Variants in DIP2C observed in about 807,000 individuals in gnomAD.
DIP2C encodes the protein disco-interacting protein 2 homolog C.
A neutral mutation model predicts 192.4 loss-of-function variants in DIP2C; 33 were observed. The observed-to-expected ratio is 0.17, with a 90% CI of 0.13 to 0.23. The LOEUF is 0.23. Ranked by LOEUF, DIP2C falls within the 10% of genes least tolerant of loss-of-function variation. The pLI is 1.00. For synonymous variants in DIP2C, 979 were observed against 864.1 expected (o/e 1.13, Z -2.33); for missense variants, 1,537 against 2,110.1 (o/e 0.73, Z 5.32).
chr10:595,033 G>T (rs1187370969), intron 1 of DIP2C, among the ~76,000 whole-genome samples: 12 of 152,228 alleles, frequency 7.9e-5, no homozygotes, highest in African/African-American at 2.7e-4. Flanking sequence ...GGTGCAGTGT[G>T]TCCGATGCCC....
intron 29 of DIP2C, among the ~76,000 whole-genome samples, chr10:334,062 T>C (rs560958088): frequency 3.3e-4 from 51 of 152,264 alleles, no homozygotes; most frequent in Admixed American, 6.5e-4. Context: ...CCCAGCACTT[T>C]GGGAGGCTGA....
intron 1 of DIP2C, among the ~76,000 whole-genome samples, chr10:670,290 A>G (rs972170402): frequency 3.9e-5 from 6 of 152,266 alleles, no homozygotes; most frequent in South Asian, 4.1e-4. Flanking sequence ...ACACGTACAC[A>G]TGCACACACA....
At chr10:494,188 A>C (rs897180252) in intron 1 of DIP2C, among the ~76,000 whole-genome samples, 2 of 152,222 alleles carry the variant, frequency 1.3e-5, no homozygotes, top group Admixed American at 6.5e-5. Flanking sequence ...GAGAACTGCT[A>C]AGGCTATCAA....
chr10:374,322 AT>A (rs1302770856), intron 17 of DIP2C, among the ~76,000 whole-genome samples: 2 of 152,228 alleles, frequency 1.3e-5, no homozygotes, highest in African/African-American at 4.8e-5. Flanking sequence ...TCCTCCCAAA[AT>A]AACATACTTT....
In DIP2C at chr10:689,558, C is replaced by A; in HGVS notation, c.21G>T (p.Glu7Asp). Residue 7 changes from glutamate to aspartate, a missense_variant, in exon 1 of 37, where the codon GAG (glutamate) becomes GAT (aspartate). By Grantham distance (45) the Glu-to-Asp change is conservative. Coordinates refer to ENST00000280886, the MANE Select transcript of DIP2C (RefSeq NM_014974.3). This position sits in a 1 kb window ranked among gnomAD's most constrained non-coding sequence, Gnocchi z 6.1. The part of the protein sequence containing the change: MADRSL[E>D]GMALPLEVRA... Reference sequence around the variant, plus strand: ...GCACCTCCAGGGGCAGCGCCATGCCCTCCAGGCTGCGGTCCGCCATGCTCC... The same window carrying A: ...GCACCTCCAGGGGCAGCGCCATGCCATCCAGGCTGCGGTCCGCCATGCTCC... 1.6e-6 allele frequency: 2 copies of A among 1,256,354 alleles called. No individual in the cohort carries two copies. Among genetic ancestry groups the A allele is most frequent in the Non-Finnish European group, 2.0e-6 (2 of 985,314 alleles). The allele number at this position is 1,256,354 out of a possible 1,614,324, so 77.8% of individuals were successfully genotyped here.
intron 26 of DIP2C, among the ~76,000 whole-genome samples, 198 bp downstream of exon 26, chr10:348,443 C>T (rs1319684070): frequency 6.6e-6 from 1 of 152,130 alleles, no homozygotes; most frequent in Non-Finnish European, 1.5e-5. Context: ...CCTCTGCCTC[C>T]ACACACGTTT....
At chr10:419,815 T>TAC (rs1225608077) in intron 5 of DIP2C, among the ~76,000 whole-genome samples, 1 of 152,196 alleles carries the variant, frequency 6.6e-6, no homozygotes, top group African/African-American at 2.4e-5. Flanking sequence ...AAAACCACGT[T>TAC]ACACCCTAAT....
At chr10:413,098 G>C (rs1221452929) in intron 8 of DIP2C, among the ~76,000 whole-genome samples, 1 of 152,150 alleles carries the variant, frequency 6.6e-6, no homozygotes, top group African/African-American at 2.4e-5. Context: ...CAGCTCCCAA[G>C]CAGCTGGGAC....
At chr10:563,767 A>T (rs1003765161) in intron 1 of DIP2C, among the ~76,000 whole-genome samples, 6 of 152,232 alleles carry the variant, frequency 3.9e-5, no homozygotes, top group Non-Finnish European at 7.3e-5. Context: ...TTCGGTGAGA[A>T]TGGTTGCTTA....
chr10:465,970 G>A lies in DIP2C; in HGVS notation c.268+6469C>T, dbSNP rs1007298315. On this transcript the variant is annotated intron_variant, in intron 3 of 36. Transcript: ENST00000280886. ...TGAAAATGGCCATACTGCCCAAGGT[G>A]ATTTACAGATTCAATGACATCCCCA... 4.0e-4 allele frequency among the ~76,000 whole-genome samples: 61 copies of A among 152,194 alleles called. No homozygotes were observed. The Middle Eastern group carries it at 0.014, about 34-fold the overall frequency.
At chr10:549,130 T>C (rs961446769) in intron 1 of DIP2C, among the ~76,000 whole-genome samples, 4 of 152,084 alleles carry the variant, frequency 2.6e-5, no homozygotes, top group African/African-American at 9.7e-5. Context: ...TCCCTACAAA[T>C]AGTAGCTTTA....
chr10:490,443 A>C (rs548865278), intron 1 of DIP2C, among the ~76,000 whole-genome samples: 2 of 152,136 alleles, frequency 1.3e-5, no homozygotes, highest in South Asian at 4.1e-4. Context: ...CTGCTTGTTC[A>C]TATTTCCCCA....
chr10:411,826 T>C (rs1965209345), intron 8 of DIP2C, among the ~76,000 whole-genome samples: 1 of 152,282 alleles, frequency 6.6e-6, no homozygotes, highest in African/African-American at 2.4e-5. Flanking sequence ...TTAGCGTTTC[T>C]ACGCAGATGG....
intron 1 of DIP2C, among the ~76,000 whole-genome samples, chr10:600,743 C>T (rs1852014877): frequency 6.6e-6 from 1 of 152,232 alleles, no homozygotes; most frequent in Non-Finnish European, 1.5e-5. Context: ...TTTCATTCTC[C>T]AAACTATTCA....
At chr10:310,816 A>G (rs1457572254) in intron 31 of DIP2C, among the ~76,000 whole-genome samples, 1 of 152,206 alleles carries the variant, frequency 6.6e-6, no homozygotes, top group East Asian at 1.9e-4. Context: ...AGCATCACGA[A>G]GGCTGCATTA....
chr10:661,245 A>G (rs1322140391), intron 1 of DIP2C, among the ~76,000 whole-genome samples: 1 of 152,146 alleles, frequency 6.6e-6, no homozygotes, highest in Non-Finnish European at 1.5e-5. Context: ...ACAGAGAGAG[A>G]AGACTGCAGC....
chr10:637,653 T>A (rs1854913798), intron 1 of DIP2C, among the ~76,000 whole-genome samples: 1 of 152,200 alleles, frequency 6.6e-6, no homozygotes, highest in East Asian at 1.9e-4. Flanking sequence ...ATTCCAATTG[T>A]GAATCTTGGG....
chr10:401,634 C>T lies in DIP2C; in HGVS notation c.1150-2415G>A, dbSNP rs1236212913. 1.3e-4 allele frequency among the ~76,000 whole-genome samples: 17 copies of T among 135,156 alleles called. 1 individual carries two copies. The highest frequency in any genetic ancestry group is 1.5e-4 in the Admixed American group (2 of 13,638). The allele number at this position is 135,156 out of a possible 152,430, so 88.7% of individuals were successfully genotyped here. A position where few individuals can be genotyped will look rare whatever the true frequency, so the allele number is the denominator to read the frequency against. On this transcript the variant is annotated intron_variant, in intron 9 of 36. Transcript: ENST00000280886. ...CTCTTCCTTATGGACAAGTTTGGTA[C>T]ATTTTCATCAGCACATGAATCCTAT...
chr10:615,782 G>T (rs61833002), intron 1 of DIP2C, among the ~76,000 whole-genome samples: 1 of 152,040 alleles, frequency 6.6e-6, no homozygotes, highest in Non-Finnish European at 1.5e-5. Context: ...TAAAATCTGC[G>T]TCTCATGCGT....
Sources: gnomAD v4.1 joint callset for allele counts (sites outside exome capture counted in the v4.1 genomes callset) on GRCh38, gnomAD v4.1.1 for gene constraint, Gnocchi (gnomAD v3.1) non-coding constraint, MANE v1.5 for transcripts, NCBI Gene and HGNC (gene_info 2026-07-23, HGNC 2026-07-21) for gene names.